PPIL6: variants seen among roughly 807,000 people sequenced by gnomAD.
PPIL6 encodes peptidylprolyl isomerase like 6, also known as probable inactive peptidyl-prolyl cis-trans isomerase-like 6.
In PPIL6, 39 loss-of-function variants were observed where a neutral mutation model predicts 36.8. The observed-to-expected ratio is 1.06, with a 90% CI of 0.82 to 1.38. The LOEUF (loss-of-function observed/expected upper bound fraction) is 1.38, where lower values mean the gene tolerates loss of function less well. PPIL6 is among the 40% of genes most tolerant of loss of function. The pLI is 0.00. For synonymous variants in PPIL6, 123 were observed against 134.1 expected (o/e 0.92, Z 0.57); for missense variants, 368 against 379.1 (o/e 0.97, Z 0.24).
chr6:109,408,622 C>T (rs779064971), intron 6 of PPIL6, among the ~76,000 whole-genome samples: 2 of 152,020 alleles, frequency 1.3e-5, no homozygotes, highest in African/African-American at 2.4e-5. Flanking sequence ...TAACCACCAC[C>T]TAAAATAAGA....
At chr6:109,402,352 A>T (rs1342028151) in intron 6 of PPIL6, among the ~76,000 whole-genome samples, 1 of 152,174 alleles carries the variant, frequency 6.6e-6, no homozygotes, top group African/African-American at 2.4e-5. Context: ...TCTGGCCAAC[A>T]TGGCAAAACC....
intron 5 of PPIL6, among the ~76,000 whole-genome samples, chr6:109,419,521 G>A (rs899834406): frequency 1.3e-5 from 2 of 151,894 alleles, no homozygotes; most frequent in East Asian, 1.9e-4. Flanking sequence ...TCAGGCATTC[G>A]AGACCAGCCT....
At chr6:109,427,679 G>A (rs1323569395) in intron 3 of PPIL6, among the ~76,000 whole-genome samples, 2 of 152,054 alleles carry the variant, frequency 1.3e-5, no homozygotes, top group Non-Finnish European at 2.9e-5. Flanking sequence ...AGCTACCGCC[G>A]CACCCAGCCC....
chr6:109,421,118 G>T (rs541792818), intron 5 of PPIL6, among the ~76,000 whole-genome samples: 1 of 152,230 alleles, frequency 6.6e-6, no homozygotes, highest in South Asian at 2.1e-4. Flanking sequence ...TTACCTACCC[G>T]TTGGTCACAT....
intron 5 of PPIL6, among the ~76,000 whole-genome samples, chr6:109,421,516 C>T (rs144096469): frequency 6.6e-6 from 1 of 152,292 alleles, no homozygotes; most frequent in East Asian, 1.9e-4. Context: ...AGTGTCATGC[C>T]CATGCAGCAT....
At chr6:109,403,055 C>T (rs1772629292) in intron 6 of PPIL6, 2 of 1,532,514 alleles carry the variant, frequency 1.3e-6, no homozygotes, top group Non-Finnish European at 1.7e-6. Context: ...ATCTTTCCAA[C>T]CCCTCTGCTT....
intron 1 of PPIL6, among the ~76,000 whole-genome samples, chr6:109,437,647 T>C (rs1389679317): frequency 6.8e-6 from 1 of 146,278 alleles, no homozygotes; most frequent in African/African-American, 2.5e-5. Context: ...CTCCGTCTCC[T>C]GGGTTCAAGC....
chr6:109,403,120 G>C lies in PPIL6; in HGVS notation c.689-2950C>G, dbSNP rs1472997684. 4.1e-6 allele frequency: 6 copies of C among 1,479,952 alleles called. No homozygotes were observed. The East Asian group carries it at 1.0e-4, about 25-fold the overall frequency. 91.7% of individuals were successfully genotyped at this position (1,479,952 alleles called of 1,614,324 possible). ...GCTTCCATAAAGCTCTAAAATTAAAGAGCTATAATTTAAATTTAAATTAAA... is the reference window on the plus strand; with the variant it reads ...GCTTCCATAAAGCTCTAAAATTAAACAGCTATAATTTAAATTTAAATTAAA... On this transcript the variant is annotated intron_variant, in intron 6 of 7. Coordinates refer to ENST00000521072, the MANE Select transcript of PPIL6 (RefSeq NM_173672.5).
intron 6 of PPIL6, among the ~76,000 whole-genome samples, chr6:109,412,547 T>C (rs947679910): frequency 1.5e-4 from 23 of 152,116 alleles, no homozygotes; most frequent in African/African-American, 4.8e-4. Context: ...AACAGACACA[T>C]AGACCATCAG....
chr6:109,431,390 G>C, intron 2 of PPIL6, 45 bp from the exon 3 acceptor site: 1 of 1,439,172 alleles, frequency 6.9e-7, no homozygotes, highest in East Asian at 2.3e-5. Context: ...TAAGAAGTGG[G>C]GGGAAAACTT....
chr6:109,393,026 A>G, intron 7 of PPIL6, 89 bp from the exon 8 acceptor site: 1 of 707,904 alleles, frequency 1.4e-6, no homozygotes, highest in Middle Eastern at 2.5e-4. Context: ...ACCCAGCTAT[A>G]GCTAAGACTA....
At chr6:109,438,652 G>C (rs1300732926) in intron 1 of PPIL6, among the ~76,000 whole-genome samples, 1 of 151,594 alleles carries the variant, frequency 6.6e-6, no homozygotes, top group Non-Finnish European at 1.5e-5. Flanking sequence ...ACAGTGGCAC[G>C]ATCTCAGCTC....
At chr6:109,423,958 T>C (rs928762517) in intron 5 of PPIL6, among the ~76,000 whole-genome samples, 8 of 152,124 alleles carry the variant, frequency 5.3e-5, no homozygotes, top group Admixed American at 1.3e-4. Context: ...TGGGATACCA[T>C]AGTGAATAAA....
intron 6 of PPIL6, among the ~76,000 whole-genome samples, chr6:109,409,563 T>A (rs1292876169): frequency 2.0e-5 from 3 of 148,660 alleles, no homozygotes; most frequent in Admixed American, 6.8e-5. Flanking sequence ...TGAGACTCCA[T>A]CTCAAAAAAA....
chr6:109,433,334 G>A (rs2115284600), intron 2 of PPIL6, among the ~76,000 whole-genome samples: 1 of 152,334 alleles, frequency 6.6e-6, no homozygotes, highest in South Asian at 2.1e-4. Context: ...TGGGATTACA[G>A]GCGTGAGCCA....
Position 109,415,715 on chromosome 6 carries a change from T to A in PPIL6, c.688+3472A>T, listed in dbSNP as rs1773219064. Among the ~76,000 whole-genome samples, 3 of 152,240 alleles carry A rather than the reference T, an allele frequency of 2.0e-5. No homozygotes were observed. The South Asian group carries it at 6.2e-4, about 31-fold the overall frequency. Reference sequence around the variant, plus strand: ...ATGGTATAATCCTTCCAGACTTTCATGACGTTCTTTCTATTGGGGTTCTCT... The same window carrying A: ...ATGGTATAATCCTTCCAGACTTTCAAGACGTTCTTTCTATTGGGGTTCTCT... On this transcript the variant is annotated intron_variant, in intron 6 of 7. Coordinates refer to ENST00000521072, the MANE Select transcript of PPIL6 (RefSeq NM_173672.5).
chr6:109,428,148 C>T, intron 3 of PPIL6, among the ~76,000 whole-genome samples: 1 of 152,196 alleles, frequency 6.6e-6, no homozygotes, highest in East Asian at 1.9e-4. Flanking sequence ...GAGACCTTGT[C>T]TAGCCCTACA....
intron 6 of PPIL6, among the ~76,000 whole-genome samples, chr6:109,414,494 T>G (rs1332420129): frequency 7.0e-6 from 1 of 143,636 alleles, no homozygotes; most frequent in East Asian, 2.0e-4. Context: ...TTTTTTTTTT[T>G]TTTTTTTTGA....
intron 3 of PPIL6, among the ~76,000 whole-genome samples, chr6:109,428,305 C>T (rs1293014077): frequency 6.6e-6 from 1 of 152,124 alleles, no homozygotes; most frequent in Non-Finnish European, 1.5e-5. Flanking sequence ...AATCCCAGCA[C>T]TTTAGGGGGC....
Sources: gnomAD v4.1 joint callset for allele counts (sites outside exome capture counted in the v4.1 genomes callset) on GRCh38, gnomAD v4.1.1 for gene constraint, MANE v1.5 for transcripts, NCBI Gene and HGNC (gene_info 2026-07-23, HGNC 2026-07-21) for gene names.